The following ELOVL7 variants were observed in gnomAD, a reference collection of about 807,000 sequenced individuals.
The protein encoded by ELOVL7 is very long chain fatty acid elongase 7.
In ELOVL7, 27 loss-of-function variants were observed where a neutral mutation model predicts 35.7. The ratio of observed to expected loss-of-function variants is 0.76; its 90% confidence interval spans 0.56 to 1.04. The LOEUF is 1.04. Ranked by LOEUF, ELOVL7 falls within the 50% of genes least tolerant of loss-of-function variation. The pLI, the probability that ELOVL7 is intolerant of heterozygous loss-of-function variation, is 0.00. For synonymous variants in ELOVL7, 113 were observed against 114.6 expected (o/e 0.99, Z 0.09); for missense variants, 327 against 340.8 (o/e 0.96, Z 0.32).
chr5:60,802,153 T>C (rs761529031), intron 1 of ELOVL7, among the ~76,000 whole-genome samples: 3 of 148,388 alleles, frequency 2.0e-5, no homozygotes, highest in Non-Finnish European at 4.5e-5. Context: ...CTATTGGTTC[T>C]GTCCCTCTGG....
chr5:60,763,582 A>G (rs557490879), intron 7 of ELOVL7, among the ~76,000 whole-genome samples: 75 of 151,930 alleles, frequency 4.9e-4, no homozygotes, highest in African/African-American at 1.8e-3. Flanking sequence ...ACTGTATAAT[A>G]GGATAAAATT....
chr5:60,798,986 T>C (rs925200565), intron 2 of ELOVL7, among the ~76,000 whole-genome samples, 194 bp downstream of exon 2: 7 of 152,190 alleles, frequency 4.6e-5, no homozygotes, highest in Non-Finnish European at 8.8e-5. Context: ...AAATTTAAGA[T>C]GACTAAAATC....
At chr5:60,821,629 A>G (rs891108025) in intron 1 of ELOVL7, among the ~76,000 whole-genome samples, 1 of 152,234 alleles carries the variant, frequency 6.6e-6, no homozygotes, top group Non-Finnish European at 1.5e-5. Flanking sequence ...TGAGCCCCTG[A>G]CATAAGCTGT....
At chr5:60,843,139 G>GAGATC (rs539151073) in intron 1 of ELOVL7, among the ~76,000 whole-genome samples, 523 of 152,280 alleles carry the variant, frequency 3.4e-3, no homozygotes, top group South Asian at 0.025. Context: ...TTTCCGAGGG[G>GAGATC]AGATCGTAGC....
At chr5:60,801,924 G>A (rs1744642164) in intron 1 of ELOVL7, among the ~76,000 whole-genome samples, 1 of 151,708 alleles carries the variant, frequency 6.6e-6, no homozygotes, top group Non-Finnish European at 1.5e-5. Flanking sequence ...ACTGAGGGCT[G>A]CACTGTTGGC....
intron 7 of ELOVL7, among the ~76,000 whole-genome samples, chr5:60,762,386 T>C (rs1462224443): frequency 6.6e-6 from 1 of 151,422 alleles, no homozygotes. Flanking sequence ...AAATGGAAAC[T>C]ACACTATCAA....
At chr5:60,793,194 A>C (rs1744045085) in intron 2 of ELOVL7, among the ~76,000 whole-genome samples, 1 of 152,182 alleles carries the variant, frequency 6.6e-6, no homozygotes, top group African/African-American at 2.4e-5. Context: ...TGCAGTAGTT[A>C]AAGAGGTTGG....
rs1741385559 is a variant in ELOVL7, at chr5:60,753,967, T to C, written c.*657A>G. The C allele has an allele frequency of 6.6e-6, 1 of 152,328 alleles. No individual in the cohort carries two copies. The highest frequency in any genetic ancestry group is 1.5e-5 in the Non-Finnish European group (1 of 68,104). 9.4% of individuals were successfully genotyped at this position (152,328 alleles called of 1,614,324 possible). On this transcript the variant is annotated 3_prime_UTR_variant, in exon 9 of 9. Coordinates refer to ENST00000508821, the MANE Select transcript of ELOVL7 (RefSeq NM_024930.3). Reference sequence around the variant, plus strand: ...CAAGTGTACTAACCCAAAGGATTGCTACTTTGAAACAGTTTGTACAACAAA... The same window carrying C: ...CAAGTGTACTAACCCAAAGGATTGCCACTTTGAAACAGTTTGTACAACAAA...
At chr5:60,842,769 C>T (rs925414880) in intron 1 of ELOVL7, among the ~76,000 whole-genome samples, 1 of 152,118 alleles carries the variant, frequency 6.6e-6, no homozygotes, top group African/African-American at 2.4e-5. Context: ...TTAACCTCTC[C>T]GTGCCTCAGT....
At chr5:60,796,133 T>C (rs1744248000) in intron 2 of ELOVL7, among the ~76,000 whole-genome samples, 1 of 152,190 alleles carries the variant, frequency 6.6e-6, no homozygotes, top group Non-Finnish European at 1.5e-5. Context: ...AATTCAAAGG[T>C]TGCTAGGGAA....
chr5:60,807,530 G>GAA (rs35448485), intron 1 of ELOVL7, among the ~76,000 whole-genome samples: 190 of 145,212 alleles, frequency 1.3e-3, no homozygotes, highest in Non-Finnish European at 1.5e-3. Context: ...TTCATTTGAT[G>GAA]AAAAAAAAAA....
chr5:60,830,766 T>C (rs994386580), intron 1 of ELOVL7, among the ~76,000 whole-genome samples: 2 of 152,206 alleles, frequency 1.3e-5, no homozygotes, highest in African/African-American at 4.8e-5. Context: ...ATCACTACCA[T>C]TCAATTCTAG....
intron 2 of ELOVL7, among the ~76,000 whole-genome samples, chr5:60,792,607 C>T (rs560085201): frequency 6.6e-6 from 1 of 152,254 alleles, no homozygotes; most frequent in East Asian, 1.9e-4. Context: ...TGGCATGTGC[C>T]TGTAGTTCCA....
chr5:60,787,227 T>G (rs1743653638), intron 3 of ELOVL7, 107 bp downstream of exon 3: 2 of 889,778 alleles, frequency 2.2e-6, no homozygotes, highest in Non-Finnish European at 3.5e-6. Flanking sequence ...AATAAGGGAC[T>G]GTTAAGTTGC....
rs1181861478 is a variant in ELOVL7 at position 60,753,604 on chromosome 5, C to T, written c.*1020G>A. 6.6e-6 allele frequency: 1 copy of T among 152,164 alleles called. No individual in the cohort carries two copies. The highest frequency in any genetic ancestry group is 1.5e-5 in the Non-Finnish European group (1 of 68,034). The allele number at this position is 152,164 out of a possible 1,614,324, so 9.4% of individuals were successfully genotyped here. ...TTTGCCTCTAGTTGCTTCACAGCCA[C>T]TCTAACTCATATCTGGAAACTGTGT... On this transcript the variant is annotated 3_prime_UTR_variant, in exon 9 of 9. Coordinates refer to ENST00000508821, the MANE Select transcript of ELOVL7 (RefSeq NM_024930.3).
At chr5:60,770,963 G>T (rs984831286) in intron 4 of ELOVL7, among the ~76,000 whole-genome samples, 17 of 152,182 alleles carry the variant, frequency 1.1e-4, no homozygotes, top group African/African-American at 4.1e-4. Flanking sequence ...GCCTACCAAA[G>T]TGCTGGGATT....
At chr5:60,828,193 C>A (rs986667172) in intron 1 of ELOVL7, among the ~76,000 whole-genome samples, 2 of 152,124 alleles carry the variant, frequency 1.3e-5, no homozygotes, top group Non-Finnish European at 2.9e-5. Flanking sequence ...TGACCCCTCA[C>A]CCTCACCTCG....
intron 7 of ELOVL7, among the ~76,000 whole-genome samples, chr5:60,762,292 T>C (rs1741971332): frequency 8.5e-6 from 1 of 117,758 alleles, no homozygotes. Flanking sequence ...AGAGTGAAAC[T>C]CTGCCTCAAA....
intron 1 of ELOVL7, among the ~76,000 whole-genome samples, chr5:60,811,365 C>T (rs988830269): frequency 2.0e-5 from 3 of 152,066 alleles, no homozygotes; most frequent in African/African-American, 7.2e-5. Context: ...TTATTGGCTT[C>T]AGTGTCTTTT....
Sources: gnomAD v4.1 joint callset for allele counts (sites outside exome capture counted in the v4.1 genomes callset) on GRCh38, gnomAD v4.1.1 for gene constraint, MANE v1.5 for transcripts, NCBI Gene and HGNC (gene_info 2026-07-23, HGNC 2026-07-21) for gene names.